HAO2: variants seen among roughly 807,000 people sequenced by gnomAD.
HAO2 encodes hydroxyacid oxidase 2, also known as 2-Hydroxyacid oxidase 2.
A neutral mutation model predicts 37.4 loss-of-function variants in HAO2; 42 were observed. The ratio of observed to expected loss-of-function variants is 1.12; its 90% CI spans 0.88 to 1.45. The LOEUF (loss-of-function observed/expected upper bound fraction) is 1.45. Among genes scored for constraint, HAO2 ranks in the 40% most tolerant of loss-of-function variants. HAO2 has a pLI of 0.00. For missense variants in HAO2, 476 were observed against 430.2 expected, an observed-to-expected ratio of 1.11 and a Z score of -0.94; for synonymous variants, 180 against 162.8, an observed-to-expected ratio of 1.11 and a Z score of -0.81.
At chr1:119,383,693 A>G (rs1194032281) in intron 3 of HAO2, among the ~76,000 whole-genome samples, 3 of 152,066 alleles carry the variant, frequency 2.0e-5, no homozygotes, top group Non-Finnish European at 4.4e-5. Context: ...TAAATAGAAA[A>G]GGAGAGATGG....
Position 119,386,796 on chromosome 1 carries a change from C to T in HAO2, c.736C>T (p.His246Tyr). Residue 246 changes from histidine (H) to tyrosine (Y), a missense_variant, in exon 5 of 8, where the codon CAT becomes TAT. Transcript: ENST00000325945. ...TGTCCAGGGTATCATTGTTTCCAAC[C>T]ATGGTGGGAGGCAGCTTGATGAGGT... Reference protein sequence around the residue: ...HNVQGIIVSNHGGRQLDEVLA... With the variant: ...HNVQGIIVSNYGGRQLDEVLA... 2 of 1,613,260 alleles carry T rather than the reference C, an allele frequency of 1.2e-6. No homozygotes were observed. Among genetic ancestry groups the T allele is most frequent in the Non-Finnish European group, 1.7e-6 (2 of 1,179,316 alleles).
chr1:119,389,067 T>A, intron 5 of HAO2, among the ~76,000 whole-genome samples: 1 of 141,316 alleles, frequency 7.1e-6, no homozygotes, highest in East Asian at 2.1e-4. Context: ...AGAATAACAC[T>A]CTCCAATCTC....
chr1:119,378,586 A>G, intron 1 of HAO2, among the ~76,000 whole-genome samples: 1 of 152,232 alleles, frequency 6.6e-6, no homozygotes, highest in Non-Finnish European at 1.5e-5. Flanking sequence ...AAATGAGATA[A>G]AATAGTGTTT....
chr1:119,386,589 C>T (rs1000846972), intron 4 of HAO2, 33 bp from the exon 5 acceptor site: 4 of 1,340,744 alleles, frequency 3.0e-6, no homozygotes, highest in Non-Finnish European at 4.3e-6. Context: ...CTTGTGAGAG[C>T]TCAGGACTAA....
chr1:119,386,669 C>A lies in HAO2; in HGVS notation c.609C>A (p.Leu203=), dbSNP rs1650405257. 3.1e-6 allele frequency: 5 copies of A among 1,613,084 alleles called. No homozygotes were observed. In the East Asian group the frequency reaches 1.1e-4, roughly 36 times the overall value. Residue 203 remains leucine (L), a synonymous_variant, in exon 5 of 8, where the codon CTC becomes CTA. Transcript: ENST00000325945. ...AGATGACTCCTATCAGCACTTCTCT[C>A]TGCTGGAATGATCTCTCCTGGTTTC... ...YFQMTPISTS[L]CWNDLSWFQS...
At chr1:119,378,348 C>A (rs1649646484) in intron 1 of HAO2, among the ~76,000 whole-genome samples, 1 of 152,256 alleles carries the variant, frequency 6.6e-6, no homozygotes, top group East Asian at 1.9e-4. Context: ...CCCACCAGGC[C>A]CCTCCCATGA....
chr1:119,371,515 C>T (rs1372740536), intron 1 of HAO2, among the ~76,000 whole-genome samples: 2 of 152,092 alleles, frequency 1.3e-5, no homozygotes, highest in Non-Finnish European at 2.9e-5. Context: ...CATTTTAATC[C>T]TCTAAGGTCC....
intron 5 of HAO2, among the ~76,000 whole-genome samples, chr1:119,387,040 G>A (rs1042194912): frequency 2.0e-5 from 3 of 152,106 alleles, no homozygotes; most frequent in Admixed American, 6.5e-5. Flanking sequence ...TTTACATATA[G>A]CATCTCTAAG....
chr1:119,390,068 T>C (rs1650750799), intron 5 of HAO2, among the ~76,000 whole-genome samples: 1 of 152,158 alleles, frequency 6.6e-6, no homozygotes, highest in African/African-American at 2.4e-5. Flanking sequence ...TTTATGTTTT[T>C]GTTTGCTTCA....
intron 1 of HAO2, 106 bp downstream of exon 1, chr1:119,369,008 G>A (rs987774882): frequency 2.0e-5 from 3 of 152,220 alleles, no homozygotes; most frequent in African/African-American, 7.2e-5. Context: ...GAGTTTGCAA[G>A]GCAAGGACCT....
intron 1 of HAO2, among the ~76,000 whole-genome samples, chr1:119,372,335 GC>G (rs1339339064): frequency 5.9e-5 from 9 of 152,220 alleles, no homozygotes; most frequent in Admixed American, 2.6e-4. Context: ...ATGTTAAGAT[GC>G]CTTTGAGGGT....
intron 5 of HAO2, among the ~76,000 whole-genome samples, chr1:119,390,302 A>G (rs1650776783): frequency 6.6e-6 from 1 of 152,116 alleles, no homozygotes; most frequent in Non-Finnish European, 1.5e-5. Context: ...CCCACGCTGG[A>G]GGGCAATGGC....
At chr1:119,390,977 A>G (rs1650836584) in intron 5 of HAO2, among the ~76,000 whole-genome samples, 1 of 152,198 alleles carries the variant, frequency 6.6e-6, no homozygotes, top group African/African-American at 2.4e-5. Flanking sequence ...CCTCTTTCAC[A>G]ACATTATAAA....
At chr1:119,383,153 G>C in intron 3 of HAO2, 87 bp downstream of exon 3, 1 of 933,594 alleles carries the variant, frequency 1.1e-6, no homozygotes, top group South Asian at 1.6e-5. Context: ...CTCTCTAGAA[G>C]GGCCTTAGGA....
chr1:119,392,156 A>T lies in HAO2; in HGVS notation c.818A>T (p.Glu273Val), dbSNP rs2101287749. The change falls in exon 6 of 8, where the codon GAA (glutamate) becomes GTA (valine). Residue 273 changes from glutamate to valine, a missense_variant. Transcript: ENST00000325945. ...GTGGCTGCTGTAAAGGGGAAAATTG[A>T]AGTCTACCTGGATGGCGGGGTCCGA... ...EVVAAVKGKI[E>V]VYLDGGVRTG... is the part of the protein sequence containing the mutation. 6.2e-7 allele frequency: 1 copy of T among 1,613,322 alleles called. No homozygotes were observed. The highest frequency in any genetic ancestry group is 2.2e-5 in the East Asian group (1 of 44,834).
In HAO2 at chr1:119,385,869, G is replaced by A. The variant is rs67248574; in HGVS notation, c.562-753G>A. ...CAGAAGCACATTGAGATTTATAAAT[G>A]TTTGATGTACATGGTGAGCCAAGAG... is the stretch of plus-strand genomic sequence containing the variant. On this transcript the variant is annotated intron_variant, in intron 4 of 7. Coordinates refer to ENST00000325945, the MANE Select transcript of HAO2 (RefSeq NM_016527.4). The A allele has an allele frequency of 9.0e-3, 8,833 of 984,874 alleles. 556 individuals are homozygous for A. In the African/African-American group the frequency reaches 0.14, roughly 15 times the overall value. 61.0% of individuals were successfully genotyped at this position (984,874 alleles called of 1,614,324 possible). A position where few individuals can be genotyped will look rare whatever the true frequency, so the allele number is the denominator to read the frequency against.
Position 119,393,139 on chromosome 1 carries a change from C to T in HAO2, c.1000+452C>T, listed in dbSNP as rs148198231. On this transcript the variant is annotated intron_variant, in intron 7 of 7. Transcript: ENST00000325945. ...GGAAAGAACTCCCAGTTAAACGTTA[C>T]GCAGCCTGTTATTGCATTCTTTCAG... Among the ~76,000 whole-genome samples the T allele has an allele frequency of 1.7e-4, 26 of 152,242 alleles. No individual in the cohort carries two copies. The East Asian group carries it at 4.1e-3, about 24-fold the overall frequency.
chr1:119,375,946 G>A (rs1227078768), intron 1 of HAO2, among the ~76,000 whole-genome samples: 2 of 152,068 alleles, frequency 1.3e-5, no homozygotes, highest in African/African-American at 4.8e-5. Flanking sequence ...TTCAAGATGA[G>A]GTTTGGTTGG....
At chr1:119,387,685 G>A (rs1463959092) in intron 5 of HAO2, among the ~76,000 whole-genome samples, 1 of 152,028 alleles carries the variant, frequency 6.6e-6, no homozygotes, top group Non-Finnish European at 1.5e-5. Context: ...TATATTAAGA[G>A]CAACTTTTTG....
Sources: allele counts gnomAD v4.1 joint callset (sites outside exome capture counted in the v4.1 genomes callset), GRCh38; gene constraint gnomAD v4.1.1; transcripts MANE v1.5; gene names NCBI Gene and HGNC (gene_info 2026-07-23, HGNC 2026-07-21).